SMYD4: variants seen among roughly 807,000 people sequenced by gnomAD.
SMYD4 encodes the protein SET and MYND domain containing 4.
SMYD4 carries 68 observed loss-of-function variants against 72.8 expected under a neutral mutation model. That is an observed-to-expected ratio of 0.93 (90% CI 0.77 to 1.14). SMYD4 has a LOEUF of 1.14. SMYD4 is among the 50% of genes most tolerant of loss of function. SMYD4 has a pLI of 0.00. For missense variants in SMYD4, 984 were observed against 1,003.7 expected (o/e 0.98, Z 0.27); for synonymous variants, 407 against 388.6 (o/e 1.05, Z -0.56).
chr17:1,792,563 C>A (rs1909112524), intron 5 of SMYD4, among the ~76,000 whole-genome samples: 1 of 151,682 alleles, frequency 6.6e-6, no homozygotes, highest in East Asian at 1.9e-4. Flanking sequence ...ATCAGTTGAA[C>A]CCTGGAGGTC....
intron 5 of SMYD4, among the ~76,000 whole-genome samples, chr17:1,798,135 G>T (rs902312513): frequency 9.3e-5 from 14 of 151,054 alleles, no homozygotes; most frequent in Non-Finnish European, 1.8e-4. Context: ...TCTTGTGCAT[G>T]TATTTTTTTT....
At chr17:1,805,601 G>A (rs980054170) in intron 3 of SMYD4, among the ~76,000 whole-genome samples, 4 of 151,392 alleles carry the variant, frequency 2.6e-5, no homozygotes, top group South Asian at 2.1e-4. Context: ...CACTTGAGGT[G>A]AGGAGTTTGA....
At chr17:1,801,070 T>C in intron 4 of SMYD4, 46 bp from the exon 5 acceptor site, 2 of 1,506,844 alleles carry the variant, frequency 1.3e-6, no homozygotes, top group Non-Finnish European at 1.8e-6. Context: ...GTCCCTATTC[T>C]TCAATGTTTA....
At chr17:1,820,747 G>C (rs60253321) in intron 2 of SMYD4, among the ~76,000 whole-genome samples, 2,893 of 152,226 alleles carry the variant, frequency 0.019, 112 homozygotes, top group African/African-American at 0.066. Flanking sequence ...GTGGGAGGTC[G>C]TGTGTCTCAA....
At chr17:1,818,068 T>G (rs998706788) in intron 2 of SMYD4, among the ~76,000 whole-genome samples, 1 of 113,414 alleles carries the variant, frequency 8.8e-6, no homozygotes, top group Admixed American at 8.1e-5. Context: ...AAAAAAAAGT[T>G]GTTTACAATC....
In SMYD4 at chr17:1,801,684, TACAC is replaced by T. The variant is rs1451123265; in HGVS notation, c.370-664_370-661del. Among the ~76,000 whole-genome samples, 10 of 126,802 alleles carry T rather than the reference TACAC, an allele frequency of 7.9e-5. No individual in the cohort carries two copies. In the East Asian group the frequency reaches 2.5e-3, roughly 31 times the overall value. 83.2% of individuals were successfully genotyped at this position (126,802 alleles called of 152,430 possible). On this transcript the variant is annotated intron_variant, in intron 4 of 10. Coordinates refer to ENST00000305513, the MANE Select transcript of SMYD4 (RefSeq NM_052928.3). ...GAGTCCAAGCAGACCTGCATTCAAA[TACAC>T]TCTGCTGGCCGGGTGCGGTGGCTCA...
chr17:1,825,585 C>T (rs1911126526), intron 2 of SMYD4, among the ~76,000 whole-genome samples: 2 of 149,530 alleles, frequency 1.3e-5, no homozygotes, highest in Admixed American at 6.7e-5. Flanking sequence ...AATCATGGCT[C>T]GCTGCAGCCT....
chr17:1,787,271 CCCTT>C, intron 6 of SMYD4, 147 bp downstream of exon 6: 4 of 1,032,048 alleles, frequency 3.9e-6, no homozygotes, highest in Non-Finnish European at 5.7e-6. Context: ...CTTCCATCCT[CCCTT>C]CCTTGTTTTT....
chr17:1,801,709 G>A (rs574940786), intron 4 of SMYD4, among the ~76,000 whole-genome samples: 1 of 150,968 alleles, frequency 6.6e-6, no homozygotes, highest in South Asian at 2.1e-4. Flanking sequence ...GGGTGCGGTG[G>A]CTCATGCCTG....
At chr17:1,783,975 G>A (rs1908513417) in intron 8 of SMYD4, 1 of 296,804 alleles carries the variant, frequency 3.4e-6, no homozygotes, top group East Asian at 7.0e-5. Flanking sequence ...CGCCCTTCTA[G>A]GAAGTTACAT....
chr17:1,800,253 A>C lies in SMYD4; in HGVS notation c.1141T>G (p.Leu381Val). Residue 381 changes from leucine (L) to valine (V), a missense_variant, in exon 5 of 11, where the codon TTA becomes GTA. Leu to Val is a conservative substitution (Grantham distance 32). Transcript: ENST00000305513. ...TTGACCTGATTGTTGCTTTCAGGTA[A>C]ACAGATGTCCTTGTTACTAATCTTA... ...CDKISNKDIC[L>V]PESNNQVKTL... 6.2e-7 allele frequency: 1 copy of C among 1,614,150 alleles called. No homozygotes were observed. The highest frequency in any genetic ancestry group is 1.1e-5 in the South Asian group (1 of 91,078).
chr17:1,804,447 G>T, intron 4 of SMYD4, 179 bp downstream of exon 4: 1 of 521,006 alleles, frequency 1.9e-6, no homozygotes, highest in Non-Finnish European at 3.5e-6. Context: ...AAAGTGCTGA[G>T]ATTACAGGCA....
intron 2 of SMYD4, among the ~76,000 whole-genome samples, chr17:1,817,346 T>A (rs181993296): frequency 6.6e-6 from 1 of 150,542 alleles, no homozygotes; most frequent in Non-Finnish European, 1.5e-5. Context: ...CCTAAAACTG[T>A]TTTTTTTTGA....
intron 7 of SMYD4, among the ~76,000 whole-genome samples, chr17:1,784,900 G>C (rs1908572904): frequency 6.6e-6 from 1 of 151,600 alleles, no homozygotes; most frequent in South Asian, 2.1e-4. Context: ...CTCCCGAGTA[G>C]CTGGGACTAC....
In SMYD4 at chr17:1,779,537, T is replaced by A. The variant is rs1908266219; in HGVS notation, c.*1749A>T. The stretch of plus-strand genomic sequence containing the variant: ...AACCAACAACTCAGAAGGAGGCATA[T>A]GTGTTATAAAGTCTTTACTACAACT... On this transcript the variant is annotated 3_prime_UTR_variant, in exon 11 of 11. Coordinates refer to ENST00000305513, the MANE Select transcript of SMYD4 (RefSeq NM_052928.3). The A allele has an allele frequency of 7.0e-6, 1 of 142,706 alleles. No individual in the cohort carries two copies. The highest frequency in any genetic ancestry group is 1.6e-5 in the Non-Finnish European group (1 of 62,372). 8.8% of individuals were successfully genotyped at this position (142,706 alleles called of 1,614,324 possible). A position where few individuals can be genotyped will look rare whatever the true frequency, so the allele number is the denominator to read the frequency against.
intron 5 of SMYD4, among the ~76,000 whole-genome samples, chr17:1,789,726 C>T (rs558281434): frequency 2.2e-5 from 3 of 134,086 alleles, no homozygotes; most frequent in South Asian, 2.4e-4. Flanking sequence ...GATCGCACCA[C>T]TGCACTCCAG....
chr17:1,795,066 A>T (rs1176636151), intron 5 of SMYD4, among the ~76,000 whole-genome samples: 2 of 152,154 alleles, frequency 1.3e-5, no homozygotes, highest in Non-Finnish European at 2.9e-5. Context: ...CACAAGTGAG[A>T]CTGGTCTCTA....
In SMYD4 at chr17:1,823,014, CCTT is replaced by C. The variant is rs200163388; in HGVS notation, c.134+4844_134+4846del. Reference sequence around the variant, plus strand: ...TTAATATTGTAAAGATGTCAGGTCTCCTTAAGTGAATCTATAAATCCAACACAT... The same window carrying C: ...TTAATATTGTAAAGATGTCAGGTCTCAAGTGAATCTATAAATCCAACACAT... On this transcript the variant is annotated intron_variant, in intron 2 of 10. Coordinates refer to ENST00000305513, the MANE Select transcript of SMYD4 (RefSeq NM_052928.3). Among the ~76,000 whole-genome samples, 38 of 152,144 alleles carry C rather than the reference CCTT, an allele frequency of 2.5e-4. No homozygotes were observed. The East Asian group carries it at 6.7e-3, about 27-fold the overall frequency.
chr17:1,783,071 T>G lies in SMYD4; in HGVS notation c.2225A>C (p.His742Pro). The G allele has an allele frequency of 6.2e-7, 1 of 1,614,186 alleles. No individual in the cohort carries two copies. Among genetic ancestry groups the G allele is most frequent in the Non-Finnish European group, 8.5e-7 (1 of 1,180,022 alleles). Reference protein sequence around the residue: ...RHGPSSVEMGHELFKLAQIFF... With the variant: ...RHGPSSVEMGPELFKLAQIFF... ...GATCTGGGCCAATTTGAAGAGCTCA[T>G]GGCCCATTTCAACACTGGACGGCCC... The change falls in exon 10 of 11, where the codon CAT (histidine) becomes CCT (proline). Residue 742 changes from histidine (H) to proline (P), a missense_variant. Transcript: ENST00000305513.
Sources: gnomAD v4.1 joint callset for allele counts (sites outside exome capture counted in the v4.1 genomes callset) on GRCh38, gnomAD v4.1.1 for gene constraint, MANE v1.5 for transcripts, NCBI Gene and HGNC (gene_info 2026-07-23, HGNC 2026-07-21) for gene names.